The following ZNF469 variants were observed in gnomAD, a reference collection of about 807,000 sequenced individuals.
ZNF469 encodes the protein zinc finger protein 469.
Under a neutral mutation model 1.0 loss-of-function variants are expected in ZNF469, and 1 was observed. The observed-to-expected ratio is 1.00, with a 90% CI of 0.35 to 4.73. The LOEUF is 4.73. Among genes scored for constraint, ZNF469 ranks in the 30% most tolerant of loss-of-function variants. ZNF469 has a pLI of 0.16. For missense variants in ZNF469, 6,100 were observed against 5,356.3 expected, an observed-to-expected ratio of 1.14 and a Z score of -4.33; for synonymous variants, 2,703 against 2,363.4, an observed-to-expected ratio of 1.14 and a Z score of -4.17.
At chr16:88,258,769 A>T in the ZNF469 span, among the ~76,000 whole-genome samples, 1 of 152,336 alleles carries the variant, frequency 6.6e-6, no homozygotes, top group African/African-American at 2.4e-5. Context: ...CCCCAGCCTC[A>T]TGGAACTTGC....
the ZNF469 span, among the ~76,000 whole-genome samples, chr16:88,349,846 C>G: frequency 0.1 from 55 of 542 alleles, no homozygotes; most frequent in East Asian, 0.18. Context: ...ATACACACCA[C>G]ACACAAGTGC....
the ZNF469 span, among the ~76,000 whole-genome samples, chr16:88,159,257 C>G: frequency 6.6e-6 from 1 of 151,822 alleles, no homozygotes; most frequent in South Asian, 2.1e-4. Flanking sequence ...GCTCTTTCCC[C>G]TACACCCTTG....
the ZNF469 span, among the ~76,000 whole-genome samples, chr16:88,228,173 G>A: frequency 6.6e-6 from 1 of 152,262 alleles, no homozygotes. Context: ...GGAAGACGTG[G>A]CTTTGGAGGA....
chr16:88,392,130 C>A (rs1331246817), intron 1 of ZNF469, among the ~76,000 whole-genome samples: 1 of 152,242 alleles, frequency 6.6e-6, no homozygotes. Flanking sequence ...ATTGTATCTG[C>A]AAAGTATTCT....
the ZNF469 span, among the ~76,000 whole-genome samples, chr16:88,300,649 A>G: frequency 6.6e-6 from 1 of 152,236 alleles, no homozygotes; most frequent in Non-Finnish European, 1.5e-5. Flanking sequence ...TCCCCTTGGA[A>G]TAATGAACAA....
the ZNF469 span, among the ~76,000 whole-genome samples, chr16:88,183,090 CCCATGAAATAAT>C: frequency 6.6e-6 from 1 of 152,178 alleles, no homozygotes; most frequent in Non-Finnish European, 1.5e-5. Context: ...TTGGAAATAA[CCCATGAAATAAT>C]ACCTAAGATG....
At chr16:88,340,375 C>T in the ZNF469 span, among the ~76,000 whole-genome samples, 1 of 152,166 alleles carries the variant, frequency 6.6e-6, no homozygotes, top group African/African-American at 2.4e-5. Flanking sequence ...TTATCATAAG[C>T]CAGATGTCAT....
chr16:88,327,150 G>A, the ZNF469 span, among the ~76,000 whole-genome samples: 8 of 152,194 alleles, frequency 5.3e-5, no homozygotes, highest in Non-Finnish European at 1.0e-4. Context: ...AGTGTCCCTC[G>A]TACTGGCACA....
chr16:88,423,473 T>C (rs1053425462), intron 1 of ZNF469, among the ~76,000 whole-genome samples: 2 of 152,184 alleles, frequency 1.3e-5, no homozygotes, highest in African/African-American at 2.4e-5. Flanking sequence ...CTCTGGGTTC[T>C]CTACATTGCT....
At chr16:88,224,280 A>G in the ZNF469 span, among the ~76,000 whole-genome samples, 1 of 152,152 alleles carries the variant, frequency 6.6e-6, no homozygotes, top group African/African-American at 2.4e-5. Context: ...TCCTGACCCC[A>G]GGATTATAGT....
chr16:88,347,390 T>A, the ZNF469 span, among the ~76,000 whole-genome samples: 680 of 151,850 alleles, frequency 4.5e-3, 2 homozygotes, highest in Middle Eastern at 0.031. Context: ...TATTCAAAGG[T>A]GAGATTTCCA....
intron 1 of ZNF469, among the ~76,000 whole-genome samples, chr16:88,418,506 G>C (rs1905363239): frequency 6.6e-6 from 1 of 152,154 alleles, no homozygotes; most frequent in Non-Finnish European, 1.5e-5. Context: ...AGCAATTTCA[G>C]TGGGTGGCAG....
chr16:88,245,005 G>A, the ZNF469 span, among the ~76,000 whole-genome samples: 1 of 152,038 alleles, frequency 6.6e-6, no homozygotes, highest in Non-Finnish European at 1.5e-5. Flanking sequence ...GGAAGACTAG[G>A]CCTTGTCCTA....
the ZNF469 span, chr16:88,194,487 C>G: frequency 6.6e-6 from 1 of 152,304 alleles, no homozygotes; most frequent in African/African-American, 2.4e-5. Flanking sequence ...TGCACAGCTC[C>G]CAGGCCTATG....
chr16:88,324,128 C>G, the ZNF469 span, among the ~76,000 whole-genome samples: 1 of 152,226 alleles, frequency 6.6e-6, no homozygotes, highest in Non-Finnish European at 1.5e-5. Flanking sequence ...GGCCTGTGGT[C>G]AGCGCCTCCC....
the ZNF469 span, among the ~76,000 whole-genome samples, chr16:88,108,120 T>C: frequency 0.15 from 21,924 of 149,108 alleles, 1,869 homozygotes; most frequent in East Asian, 0.32. Context: ...GATGTGGGGA[T>C]GGAGGTGCAC....
At chr16:88,132,179 C>A in the ZNF469 span, among the ~76,000 whole-genome samples, 4 of 152,234 alleles carry the variant, frequency 2.6e-5, no homozygotes, top group Non-Finnish European at 5.9e-5. Flanking sequence ...TGGGGTCATG[C>A]CACAGCGCCA....
At chr16:88,135,868 C>A in the ZNF469 span, among the ~76,000 whole-genome samples, 2 of 144,578 alleles carry the variant, frequency 1.4e-5, no homozygotes, top group African/African-American at 5.0e-5. Flanking sequence ...TCACGCCATT[C>A]TCCTGCCTCA....
rs773767800 is a variant in ZNF469 at position 88,431,862 on chromosome 16, C to G, written c.4392C>G (p.Phe1464Leu). ...SLFPDLPVDR[F>L]DPPLYGSLSA... ...TCCCAGACCTGCCGGTGGACAGATTCGACCCACCCCTCTATGGCAGCCTGT... is the reference window on the plus strand; with the variant it reads ...TCCCAGACCTGCCGGTGGACAGATTGGACCCACCCCTCTATGGCAGCCTGT... The change falls in exon 3 of 3, where the codon TTC (phenylalanine) becomes TTG (leucine). Residue 1464 changes from phenylalanine to leucine, a missense_variant. Phe to Leu is a conservative substitution (Grantham distance 22, BLOSUM62 0). Transcript: ENST00000565624. 2 of 1,550,054 alleles carry G rather than the reference C, an allele frequency of 1.3e-6. No homozygotes were observed. The highest frequency in any genetic ancestry group is 2.4e-5 in the East Asian group (1 of 40,910).
Sources: gnomAD v4.1 joint callset for allele counts (sites outside exome capture counted in the v4.1 genomes callset) on GRCh38, gnomAD v4.1.1 for gene constraint, MANE v1.5 for transcripts, NCBI Gene and HGNC (gene_info 2026-07-23, HGNC 2026-07-21) for gene names.